Variants in SH3GL3 observed in about 807,000 individuals in gnomAD.
SH3GL3 encodes SH3 domain containing GRB2 like 3, endophilin A3.
A neutral mutation model predicts 47.7 loss-of-function variants in SH3GL3; 33 were observed. That is an observed-to-expected ratio of 0.69 (90% CI 0.52 to 0.92). The LOEUF is 0.92. SH3GL3 is among the 40% of genes least tolerant of loss of function. The pLI is 0.00. For synonymous variants in SH3GL3, 155 were observed against 148.8 expected, an observed-to-expected ratio of 1.04 and a Z score of -0.30; for missense variants, 363 against 417.8, an observed-to-expected ratio of 0.87 and a Z score of 1.14.
intron 5 of SH3GL3, 90 bp from the exon 6 acceptor site, chr15:83,576,493 A>G: frequency 7.9e-7 from 1 of 1,264,712 alleles, no homozygotes; most frequent in Non-Finnish European, 1.1e-6. Flanking sequence ...CTAGGCCGAG[A>G]AAAAGCAATG....
intron 6 of SH3GL3, among the ~76,000 whole-genome samples, chr15:83,580,562 CA>C (rs960638162): frequency 2.5e-4 from 38 of 152,148 alleles, no homozygotes; most frequent in African/African-American, 8.2e-4. Context: ...GAGGAAGTGA[CA>C]AAAAAGCCGG....
At chr15:83,545,256 G>T (rs997583683) in intron 1 of SH3GL3, among the ~76,000 whole-genome samples, 1 of 151,874 alleles carries the variant, frequency 6.6e-6, no homozygotes, top group Non-Finnish European at 1.5e-5. Flanking sequence ...TTTCAAATAG[G>T]CTTGCTAATT....
chr15:83,503,742 C>A (rs1420379125), intron 1 of SH3GL3, among the ~76,000 whole-genome samples: 1 of 152,188 alleles, frequency 6.6e-6, no homozygotes, highest in African/African-American at 2.4e-5. Context: ...GTGCTACTGT[C>A]TTTGGCAATT....
At chr15:83,483,685 G>T (rs1017309779) in intron 1 of SH3GL3, among the ~76,000 whole-genome samples, 1 of 152,168 alleles carries the variant, frequency 6.6e-6, no homozygotes, top group African/African-American at 2.4e-5. Context: ...CTGTGGGTCT[G>T]CCCAAAGTTA....
At chr15:83,538,633 A>G (rs2044024400) in intron 1 of SH3GL3, among the ~76,000 whole-genome samples, 2 of 152,328 alleles carry the variant, frequency 1.3e-5, no homozygotes, top group South Asian at 4.1e-4. Flanking sequence ...TTAGACATAA[A>G]TATATTGAGC....
At chr15:83,583,274 C>G (rs2059878020) in intron 6 of SH3GL3, among the ~76,000 whole-genome samples, 1 of 152,222 alleles carries the variant, frequency 6.6e-6, no homozygotes, top group Non-Finnish European at 1.5e-5. Context: ...GTGTGCTACT[C>G]TCTGCTTACT....
intron 3 of SH3GL3, 125 bp downstream of exon 3, chr15:83,565,331 T>G (rs567224148): frequency 5.7e-6 from 4 of 699,436 alleles, no homozygotes; most frequent in East Asian, 2.7e-5. Flanking sequence ...AATTCAGTTT[T>G]TAAAGCTGAG....
chr15:83,468,801 T>G (rs940757621), intron 1 of SH3GL3, among the ~76,000 whole-genome samples: 5 of 84,778 alleles, frequency 5.9e-5, no homozygotes, highest in Admixed American at 1.9e-4. Context: ...TTTAGTAGTG[T>G]TTTTTTTTTT....
intron 5 of SH3GL3, among the ~76,000 whole-genome samples, chr15:83,576,010 G>T (rs916949495): frequency 6.6e-6 from 1 of 152,044 alleles, no homozygotes; most frequent in Non-Finnish European, 1.5e-5. Flanking sequence ...TTATAATATT[G>T]TTTAGAAATT....
chr15:83,482,399 G>A (rs925061865), intron 1 of SH3GL3, among the ~76,000 whole-genome samples: 5 of 151,572 alleles, frequency 3.3e-5, no homozygotes, highest in Admixed American at 6.6e-5. Flanking sequence ...TTTCTATACC[G>A]GTGGAAATCT....
chr15:83,600,925 A>G (rs952145475), intron 8 of SH3GL3, among the ~76,000 whole-genome samples: 7 of 151,996 alleles, frequency 4.6e-5, no homozygotes, highest in African/African-American at 1.7e-4. Flanking sequence ...GGTTAGGTAT[A>G]TTTCTAAGTT....
intron 1 of SH3GL3, among the ~76,000 whole-genome samples, chr15:83,506,188 T>C (rs530623440): frequency 1.3e-4 from 20 of 152,362 alleles, no homozygotes; most frequent in African/African-American, 4.6e-4. Context: ...TACACAAATA[T>C]TCACCTACAT....
At chr15:83,599,443 T>A (rs1033965126) in intron 8 of SH3GL3, among the ~76,000 whole-genome samples, 2 of 152,222 alleles carry the variant, frequency 1.3e-5, no homozygotes, top group African/African-American at 4.8e-5. Flanking sequence ...TGAGAACACA[T>A]GATGTTTGGT....
At chr15:83,577,732 C>T (rs1253908509) in intron 6 of SH3GL3, among the ~76,000 whole-genome samples, 1 of 152,152 alleles carries the variant, frequency 6.6e-6, no homozygotes, top group East Asian at 1.9e-4. Context: ...CTGTTTATCC[C>T]AGGATTGCTT....
Position 83,478,776 on chromosome 15 carries a change from G to A in SH3GL3, c.45+31198G>A, listed in dbSNP as rs187245925. ...CTAGGGTAAAGAGCAGCTCCAACAC[G>A]GTGGACTCAACTTTGGGGATTAAAT... is the stretch of plus-strand genomic sequence containing the variant. On this transcript the variant is annotated intron_variant, in intron 1 of 8. Coordinates refer to ENST00000427482, the MANE Select transcript of SH3GL3 (RefSeq NM_003027.5). Among the ~76,000 whole-genome samples, 633 of 152,262 alleles carry A rather than the reference G, an allele frequency of 4.2e-3. 2 individuals are homozygous for A. Among genetic ancestry groups the A allele is most frequent in the Non-Finnish European group, 6.5e-3 (442 of 68,006 alleles).
chr15:83,541,357 G>A (rs1346275649), intron 1 of SH3GL3, among the ~76,000 whole-genome samples: 1 of 80,376 alleles, frequency 1.2e-5, no homozygotes, highest in Non-Finnish European at 2.2e-5. Flanking sequence ...TTTTTGAGAC[G>A]GAGTCTCGCT....
At chr15:83,532,695 C>T (rs575807806) in intron 1 of SH3GL3, among the ~76,000 whole-genome samples, 1 of 152,268 alleles carries the variant, frequency 6.6e-6, no homozygotes, top group African/African-American at 2.4e-5. Context: ...TTTTTCTCAT[C>T]TAGCATGAAG....
chr15:83,613,708 A>T (rs538114374), intron 8 of SH3GL3, among the ~76,000 whole-genome samples: 1 of 152,048 alleles, frequency 6.6e-6, no homozygotes, highest in South Asian at 2.1e-4. Flanking sequence ...CAGCCTATGA[A>T]ATGTCTTGGC....
At chr15:83,612,013 CAAA>C (rs530768134) in intron 8 of SH3GL3, among the ~76,000 whole-genome samples, 2 of 128,622 alleles carry the variant, frequency 1.6e-5, no homozygotes. Flanking sequence ...TGTTGTTGAC[CAAA>C]AAAAAAAAAA....
Sources: allele counts gnomAD v4.1 joint callset (sites outside exome capture counted in the v4.1 genomes callset), GRCh38; gene constraint gnomAD v4.1.1; transcripts MANE v1.5; gene names NCBI Gene and HGNC (gene_info 2026-07-23, HGNC 2026-07-21).